Variants in PACC1 observed in about 807,000 individuals in gnomAD.
PACC1 encodes proton activated chloride channel 1, also known as proton-activated chloride channel.
In PACC1, 34 loss-of-function variants were observed where a neutral mutation model predicts 39.7. The ratio of observed to expected loss-of-function variants is 0.86; its 90% confidence interval spans 0.65 to 1.14. The LOEUF (loss-of-function observed/expected upper bound fraction) is 1.14. PACC1 is among the 50% of genes most tolerant of loss of function. The pLI, the probability that PACC1 is intolerant of heterozygous loss-of-function variation, is 0.00. For synonymous variants in PACC1, 127 were observed against 160.6 expected (o/e 0.79, Z 1.58); for missense variants, 379 against 436.4 (o/e 0.87, Z 1.17).
intron 7 of PACC1, among the ~76,000 whole-genome samples, chr1:212,367,427 T>C (rs980192536): frequency 1.3e-5 from 2 of 152,110 alleles, no homozygotes; most frequent in Non-Finnish European, 2.9e-5. Context: ...GGCAGAATTC[T>C]GAGGCCCTGA....
At chr1:212,391,092 A>C (rs1200330664) in intron 2 of PACC1, among the ~76,000 whole-genome samples, 1 of 152,210 alleles carries the variant, frequency 6.6e-6, no homozygotes, top group Non-Finnish European at 1.5e-5. Context: ...TGAAGAGAGT[A>C]GTGGTTCTCC....
intron 1 of PACC1, chr1:212,413,923 G>A: frequency 6.5e-7 from 1 of 1,535,152 alleles, no homozygotes; most frequent in Non-Finnish European, 8.7e-7. Context: ...TTTGGCCAAT[G>A]AGGCGGCACG....
intron 2 of PACC1, among the ~76,000 whole-genome samples, chr1:212,408,617 C>T (rs1239152225): frequency 6.6e-6 from 1 of 152,208 alleles, no homozygotes; most frequent in Admixed American, 6.5e-5. Context: ...CTGCCTCAGC[C>T]TCCCAAAGTG....
At position 212,387,003 on chromosome 1, in the gene PACC1, G is replaced by A. The variant is rs200303810; in HGVS notation, c.231C>T (p.Leu77=). 2.4e-5 allele frequency: 38 copies of A among 1,614,116 alleles called. No individual in the cohort carries two copies. The highest frequency in any genetic ancestry group is 4.0e-5 in the African/African-American group (3 of 74,932). The change falls in exon 3 of 8, where the codon CTC becomes CTT. Residue 77 remains leucine (L), a synonymous_variant. Coordinates refer to ENST00000261455, the MANE Select transcript of PACC1 (RefSeq NM_018252.3). The part of the protein sequence containing the change: ...SVLLIFIYLL[L]MAVAVFLVYR... The stretch of plus-strand genomic sequence containing the variant: ...AGACCAGGAAGACGGCCACAGCCAT[G>A]AGCAGCAGGTAGATGAAGATGAGTA...
rs759967465 is a variant in PACC1 at position 212,413,971 on chromosome 1, C to A, written c.36+751G>T. 5.9e-6 allele frequency: 9 copies of A among 1,535,604 alleles called. No homozygotes were observed. In the Admixed American group the frequency reaches 7.8e-5, roughly 13 times the overall value. The stretch of plus-strand genomic sequence containing the variant: ...AGAAGAGGACGGTTGCCAAAGATGA[C>A]CAAGGTTTGGGGGCCGAGAAGTGGA... On this transcript the variant is annotated intron_variant, in intron 1 of 7. Transcript: ENST00000261455.
chr1:212,409,199 G>C (rs1276843008), intron 2 of PACC1, among the ~76,000 whole-genome samples: 2 of 152,146 alleles, frequency 1.3e-5, no homozygotes, highest in East Asian at 3.9e-4. Context: ...CAAAAAGTTG[G>C]GGACTGCTGT....
chr1:212,413,368 G>A (rs1217562484), intron 1 of PACC1, among the ~76,000 whole-genome samples: 5 of 152,210 alleles, frequency 3.3e-5, no homozygotes. Context: ...GCCCTTCTGT[G>A]AATCAGTCTT....
At chr1:212,372,575 T>C (rs555201189) in intron 7 of PACC1, among the ~76,000 whole-genome samples, 1 of 152,324 alleles carries the variant, frequency 6.6e-6, no homozygotes, top group African/African-American at 2.4e-5. Context: ...GCACATGATA[T>C]GATCTTATAT....
chr1:212,365,698 C>T (rs1660214673), intron 7 of PACC1, among the ~76,000 whole-genome samples: 1 of 152,140 alleles, frequency 6.6e-6, no homozygotes, highest in South Asian at 2.1e-4. Context: ...ACTCTATATA[C>T]TTCATTCAGA....
intron 2 of PACC1, among the ~76,000 whole-genome samples, chr1:212,392,985 T>C (rs530389410): frequency 0.066 from 10,084 of 151,788 alleles, 1,063 homozygotes; most frequent in African/African-American, 0.23. Flanking sequence ...ACAATAATAA[T>C]GGGAGACTTT....
intron 7 of PACC1, among the ~76,000 whole-genome samples, chr1:212,371,134 A>T (rs1323150447): frequency 6.6e-6 from 1 of 151,468 alleles, no homozygotes; most frequent in Non-Finnish European, 1.5e-5. Context: ...AATCCCAGCT[A>T]CCTGGGAGGC....
intron 2 of PACC1, among the ~76,000 whole-genome samples, chr1:212,401,620 C>T (rs1460406197): frequency 1.2e-5 from 1 of 86,028 alleles, no homozygotes; most frequent in Admixed American, 1.5e-4. Context: ...AGACTCTTGT[C>T]TCAAAAAAAA....
Position 212,374,091 on chromosome 1 carries a change from C to T in PACC1, c.891+1102G>A, listed in dbSNP as rs549406701. Among the ~76,000 whole-genome samples, 6 of 151,048 alleles carry T rather than the reference C, an allele frequency of 4.0e-5. No homozygotes were observed. The South Asian group carries it at 6.3e-4, about 16-fold the overall frequency. ...GAAATCAGTGTATCAAAGAGATATC[C>T]GCACTCCCATGTTTACTGTAGCACT... On this transcript the variant is annotated intron_variant, in intron 7 of 7. Coordinates refer to ENST00000261455, the MANE Select transcript of PACC1 (RefSeq NM_018252.3).
chr1:212,393,841 A>C (rs1661417463), intron 2 of PACC1, among the ~76,000 whole-genome samples: 1 of 152,194 alleles, frequency 6.6e-6, no homozygotes, highest in Non-Finnish European at 1.5e-5. Flanking sequence ...ATCTAGAAGA[A>C]ATGGATAAAT....
chr1:212,410,824 G>A lies in PACC1; in HGVS notation c.37-303C>T, dbSNP rs180916955. On this transcript the variant is annotated intron_variant, in intron 1 of 7. Coordinates refer to ENST00000261455, the MANE Select transcript of PACC1 (RefSeq NM_018252.3). The stretch of plus-strand genomic sequence containing the variant: ...AGTCTGAAATTGAGGTGTTGGCAGG[G>A]TTGGCTCCTTCTTCTACGAGTGGTG... Among the ~76,000 whole-genome samples the A allele has an allele frequency of 6.6e-5, 10 of 152,316 alleles. No homozygotes were observed. The East Asian group carries it at 1.9e-3, about 29-fold the overall frequency.
intron 2 of PACC1, among the ~76,000 whole-genome samples, chr1:212,398,835 C>T (rs763418534): frequency 6.6e-6 from 1 of 152,180 alleles, no homozygotes; most frequent in Non-Finnish European, 1.5e-5. Flanking sequence ...AAATTCTCCC[C>T]GAGAAAGTAT....
intron 2 of PACC1, among the ~76,000 whole-genome samples, chr1:212,407,756 C>T (rs766378404): frequency 2.6e-5 from 4 of 152,138 alleles, no homozygotes; most frequent in Non-Finnish European, 4.4e-5. Context: ...GTTGGGATTA[C>T]CACCACTTAA....
intron 5 of PACC1, among the ~76,000 whole-genome samples, chr1:212,379,144 C>T (rs908161165): frequency 2.0e-5 from 3 of 152,034 alleles, no homozygotes; most frequent in African/African-American, 7.2e-5. Context: ...GGGGTTTCAC[C>T]ATGTTAGCCA....
intron 1 of PACC1, among the ~76,000 whole-genome samples, chr1:212,410,996 C>A (rs1163855438): frequency 6.6e-6 from 1 of 152,214 alleles, no homozygotes; most frequent in Non-Finnish European, 1.5e-5. Context: ...TGGTCATCGT[C>A]TTGAAGGACA....
Sources: gnomAD v4.1 joint callset for allele counts (sites outside exome capture counted in the v4.1 genomes callset) on GRCh38, gnomAD v4.1.1 for gene constraint, MANE v1.5 for transcripts, NCBI Gene and HGNC (gene_info 2026-07-23, HGNC 2026-07-21) for gene names.